Variants in SMARCAL1 observed in about 807,000 individuals in gnomAD.
SMARCAL1 encodes ATP-driven annealing helicase.
In SMARCAL1, 58 loss-of-function variants were observed where a neutral mutation model predicts 94.5. The ratio of observed to expected loss-of-function variants is 0.61; its 90% CI spans 0.50 to 0.76. The LOEUF (loss-of-function observed/expected upper bound fraction) is 0.76. Ranked by LOEUF, SMARCAL1 falls within the 30% of genes least tolerant of loss-of-function variation. SMARCAL1 has a pLI of 0.00. For synonymous variants in SMARCAL1, 422 were observed against 455.1 expected, an observed-to-expected ratio of 0.93 and a Z score of 0.93; for missense variants, 1,051 against 1,177.9, an observed-to-expected ratio of 0.89 and a Z score of 1.58.
At chr2:216,478,019 T>C (rs1695125955) in intron 16 of SMARCAL1, among the ~76,000 whole-genome samples, 184 bp from the exon 17 acceptor site, 1 of 152,180 alleles carries the variant, frequency 6.6e-6, no homozygotes, top group Admixed American at 6.5e-5. Flanking sequence ...TAGCCCTAAA[T>C]TGGAGTTTTT....
intron 12 of SMARCAL1, among the ~76,000 whole-genome samples, chr2:216,453,342 A>G (rs927603025): frequency 1.3e-5 from 2 of 152,260 alleles, no homozygotes; most frequent in African/African-American, 4.8e-5. Flanking sequence ...AAATTCTTTC[A>G]GATAATAATT....
chr2:216,451,013 C>G lies in SMARCAL1; in HGVS notation c.2019C>G (p.Thr673=), dbSNP rs1212366120. Residue 673 remains threonine (T), a synonymous_variant, in exon 12 of 18, where the codon ACC becomes ACG. Transcript: ENST00000357276. ...VIAPGRINAR[T]RAALDAAAKE... ...CCCCAGGACGGATCAATGCCAGGAC[C>G]AGAGCTGCCCTGGATGCTGCAGCCA... The G allele has an allele frequency of 1.2e-6, 2 of 1,614,198 alleles. No homozygotes were observed.
chr2:216,416,156 T>C, intron 3 of SMARCAL1, 101 bp from the exon 4 acceptor site: 1 of 977,324 alleles, frequency 1.0e-6, no homozygotes, highest in Non-Finnish European at 1.7e-6. Flanking sequence ...GGTCAGCTGT[T>C]TTGAACTTGG....
chr2:216,416,195 A>C, intron 3 of SMARCAL1, 62 bp from the exon 4 acceptor site: 1 of 1,405,052 alleles, frequency 7.1e-7, no homozygotes, highest in Non-Finnish European at 1.0e-6. Flanking sequence ...TTAGAAGACA[A>C]GCTTGTGTTG....
intron 12 of SMARCAL1, among the ~76,000 whole-genome samples, chr2:216,457,484 T>A (rs1694595347): frequency 6.6e-6 from 1 of 152,184 alleles, no homozygotes; most frequent in Non-Finnish European, 1.5e-5. Context: ...TATAACAAAC[T>A]GTCTCTCAGA....
chr2:216,481,318 C>G (rs111545691), intron 17 of SMARCAL1, among the ~76,000 whole-genome samples: 7,801 of 151,188 alleles, frequency 0.052, 283 homozygotes, highest in African/African-American at 0.1. Context: ...CTCAGCCTCC[C>G]GAGTAGCTGG....
chr2:216,477,707 G>C (rs1341543983), intron 16 of SMARCAL1, among the ~76,000 whole-genome samples: 5 of 152,016 alleles, frequency 3.3e-5, no homozygotes, highest in African/African-American at 1.2e-4. Flanking sequence ...TCAACCCTAG[G>C]GTTTTCTGTC....
At chr2:216,416,133 G>T (rs1165701410) in intron 3 of SMARCAL1, 124 bp from the exon 4 acceptor site, 3 of 795,052 alleles carry the variant, frequency 3.8e-6, no homozygotes, top group Non-Finnish European at 6.8e-6. Flanking sequence ...TTATAGATCA[G>T]TGGGGGCTTG....
At chr2:216,443,366 C>CAA (rs34568945) in intron 10 of SMARCAL1, among the ~76,000 whole-genome samples, 1,248 of 80,370 alleles carry the variant, frequency 0.016, 77 homozygotes, top group African/African-American at 0.045. Context: ...CACTCTGTCT[C>CAA]AAAAAAAAAA....
intron 7 of SMARCAL1, among the ~76,000 whole-genome samples, chr2:216,432,227 C>T (rs1693979513): frequency 6.6e-6 from 1 of 152,142 alleles, no homozygotes; most frequent in Non-Finnish European, 1.5e-5. Context: ...CTCCTGACCT[C>T]AGGTGATCCG....
At chr2:216,414,530 A>G (rs10179581) in intron 2 of SMARCAL1, 117 bp from the exon 3 acceptor site, 1 of 637,850 alleles carries the variant, frequency 1.6e-6, no homozygotes, top group African/African-American at 1.8e-5. Flanking sequence ...ACTTTAATAC[A>G]TCCTTTAGTT....
At chr2:216,423,514 G>C in intron 5 of SMARCAL1, 119 bp from the exon 6 acceptor site, 1 of 842,218 alleles carries the variant, frequency 1.2e-6, no homozygotes, top group Non-Finnish European at 2.1e-6. Flanking sequence ...TACAGGACCA[G>C]CTGCCACATT....
At chr2:216,466,750 C>T (rs1309525259) in intron 13 of SMARCAL1, among the ~76,000 whole-genome samples, 1 of 152,136 alleles carries the variant, frequency 6.6e-6, no homozygotes, top group Admixed American at 6.6e-5. Flanking sequence ...CTTTTTGATG[C>T]TGTAGCCGTA....
intron 5 of SMARCAL1, among the ~76,000 whole-genome samples, chr2:216,420,796 T>G (rs1693703357): frequency 6.6e-6 from 1 of 152,172 alleles, no homozygotes; most frequent in South Asian, 2.1e-4. Context: ...GCAGGTAAAT[T>G]CCTGCTTCAG....
At chr2:216,478,572 C>A (rs1463060965) in intron 17 of SMARCAL1, among the ~76,000 whole-genome samples, 1 of 152,226 alleles carries the variant, frequency 6.6e-6, no homozygotes, top group Non-Finnish European at 1.5e-5. Context: ...TGACAAAACT[C>A]CCCATGGCAA....
intron 4 of SMARCAL1, 122 bp downstream of exon 4, chr2:216,416,429 C>G (rs914979384): frequency 1.5e-6 from 1 of 654,568 alleles, no homozygotes; most frequent in South Asian, 1.5e-5. Flanking sequence ...TTCAGGGCAC[C>G]CCCCCCAACA....
Position 216,432,854 on chromosome 2 carries a change from T to A in SMARCAL1, c.1471T>A (p.Phe491Ile), listed in dbSNP as rs769334427. 6.2e-7 allele frequency: 1 copy of A among 1,614,200 alleles called. No homozygotes were observed. Among genetic ancestry groups the A allele is most frequent in the Admixed American group, 1.7e-5 (1 of 60,024 alleles). Residue 491 changes from phenylalanine to isoleucine, a missense_variant, in exon 8 of 18, where the codon TTC becomes ATC. Coordinates refer to ENST00000357276, the MANE Select transcript of SMARCAL1 (RefSeq NM_014140.4). ...GGTGGTGGTGCCATCCTCCGTGCGC[T>A]TCACCTGGGAGCAGGTTAATGGTCT... ...LLVVVPSSVR[F>I]TWEQAFLRWL...
At chr2:216,430,780 G>A (rs899894284) in intron 7 of SMARCAL1, among the ~76,000 whole-genome samples, 5 of 152,224 alleles carry the variant, frequency 3.3e-5, no homozygotes, top group Admixed American at 2.0e-4. Flanking sequence ...CAAAGGGCGT[G>A]GGGCTCTCCA....
intron 14 of SMARCAL1, among the ~76,000 whole-genome samples, chr2:216,469,851 T>C (rs1458335366): frequency 3.3e-5 from 5 of 152,220 alleles, no homozygotes; most frequent in Admixed American, 2.0e-4. Flanking sequence ...TAACAACATA[T>C]AAGGGTTCCT....
Sources: allele counts gnomAD v4.1 joint callset (sites outside exome capture counted in the v4.1 genomes callset), GRCh38; gene constraint gnomAD v4.1.1; transcripts MANE v1.5; gene names NCBI Gene and HGNC (gene_info 2026-07-23, HGNC 2026-07-21).